Variants in ASB9 observed in about 807,000 individuals in gnomAD.
The protein encoded by ASB9 is ankyrin repeat and SOCS box protein 9.
In ASB9, 5 loss-of-function variants were observed where a neutral mutation model predicts 16.6. The ratio of observed to expected loss-of-function variants is 0.30; its 90% CI spans 0.16 to 0.63. The LOEUF (loss-of-function observed/expected upper bound fraction) is 0.63. Among genes scored for constraint, ASB9 ranks in the 30% least tolerant of loss-of-function variants. The pLI, the probability that ASB9 is intolerant of heterozygous loss-of-function variation, is 0.82. For synonymous variants in ASB9, 100 were observed against 86.4 expected (o/e 1.16, Z -0.87); for missense variants, 216 against 229.4 (o/e 0.94, Z 0.38).
chrX:15,250,820 C>CA (rs1299327808), intron 4 of ASB9, among the ~76,000 whole-genome samples: 1 of 112,041 alleles, frequency 8.9e-6, no homozygotes, highest in Admixed American at 9.5e-5. Context: ...CTCCTGGGTT[C>CA]ACGCCATTCT....
At chrX:15,252,838 T>A (rs1396720603) in intron 3 of ASB9, among the ~76,000 whole-genome samples, 1 of 112,607 alleles carries the variant, frequency 8.9e-6, no homozygotes, top group Non-Finnish European at 1.9e-5. Context: ...TAGAAAACTT[T>A]AAAAAACTTG....
chrX:15,263,169 G>A (rs1390543233), intron 1 of ASB9, among the ~76,000 whole-genome samples: 1 of 111,275 alleles, frequency 9.0e-6, no homozygotes, highest in African/African-American at 3.3e-5. Context: ...GATGTTCTGA[G>A]AACCCCAGTG....
Position 15,253,769 on chromosome X carries a change from G to A in ASB9, c.282+968C>T, listed in dbSNP as rs188454029. 1.8e-4 allele frequency among the ~76,000 whole-genome samples: 20 copies of A among 111,818 alleles called. No homozygotes were observed. In the East Asian group the frequency reaches 5.0e-3, roughly 28 times the overall value. ...ATTAAATAGTGAATAGAAAAGCCAA[G>A]TGCAGACACATTCTTGTATATCATT... On this transcript the variant is annotated intron_variant, in intron 3 of 6. Transcript: ENST00000380488.
Position 15,250,554 on chromosome X carries a change from C to T in ASB9, c.444G>A (p.Glu148=). Residue 148 remains glutamate (E), a synonymous_variant, in exon 5 of 7, where the codon GAG becomes GAA. Transcript: ENST00000380488. ...CATAAGCTATAAGAGAGTTGACACA[C>T]TCCACGTGGCCTGCAGCCCAAAGCA... ...IHEAARRGHV[E]CVNSLIAYGG... 4 of 1,203,972 alleles carry T rather than the reference C, an allele frequency of 3.3e-6. No homozygotes were observed. The highest frequency in any genetic ancestry group is 4.5e-6 in the Non-Finnish European group (4 of 892,210).
chrX:15,251,638 G>A (rs188574540), intron 4 of ASB9, among the ~76,000 whole-genome samples: 66 of 111,883 alleles, frequency 5.9e-4, no homozygotes, highest in African/African-American at 2.0e-3. Context: ...TGGTCATTAC[G>A]ATGATGCTAA....
chrX:15,244,354 T>G lies in ASB9; in HGVS notation c.*152A>C. On this transcript the variant is annotated 3_prime_UTR_variant, in exon 7 of 7. Transcript: ENST00000380488. Reference sequence around the variant, plus strand: ...CAAATACAAATTGAATAGAAAAAATTAGTCAAACTCCATAAACAAGTTTAT... The same window carrying G: ...CAAATACAAATTGAATAGAAAAAATGAGTCAAACTCCATAAACAAGTTTAT... 3.1e-6 allele frequency: 2 copies of G among 644,518 alleles called. No homozygotes were observed. The highest frequency in any genetic ancestry group is 4.6e-6 in the Non-Finnish European group (2 of 436,010). 53.1% of individuals were successfully genotyped at this position (644,518 alleles called of 1,213,427 possible).
chrX:15,246,785 C>G (rs1412249102), intron 6 of ASB9, among the ~76,000 whole-genome samples: 3 of 111,505 alleles, frequency 2.7e-5, no homozygotes, highest in African/African-American at 9.8e-5. Context: ...CCAGCAACAA[C>G]CATTGATGTT....
rs1416558948 is a variant in ASB9 at position 15,269,853 on chromosome X, T to G, written c.22A>C (p.Met8Leu). 8.3e-7 allele frequency: 1 copy of G among 1,206,472 alleles called. No individual in the cohort carries two copies. Among genetic ancestry groups the G allele is most frequent in the East Asian group, 3.0e-5 (1 of 33,422 alleles). MDGKQGG[M>L]DGSKPAGPRD... is the part of the protein sequence containing the mutation. ...GGCCCCGCGGGCTTGCTCCCATCCA[T>G]GCCCCCTTGTTTGCCATCCATGATG... The change falls in exon 1 of 7, where the codon ATG (methionine) becomes CTG (leucine). Residue 8 changes from methionine to leucine, a missense_variant. Physicochemically the swap from Met to Leu is conservative, Grantham distance 15 (BLOSUM62 2). Transcript: ENST00000380488.
rs1926662049 is a variant in ASB9, at chrX:15,267,929, T to C, written c.94+1852A>G. Reference sequence around the variant, plus strand: ...TGCTCATTTTATAAGTGAAATTGGATAAATGAATGAATGAATGAGCAGGCT... The same window carrying C: ...TGCTCATTTTATAAGTGAAATTGGACAAATGAATGAATGAATGAGCAGGCT... On this transcript the variant is annotated intron_variant, in intron 1 of 6. Coordinates refer to ENST00000380488, the MANE Select transcript of ASB9 (RefSeq NM_001031739.3). Among the ~76,000 whole-genome samples the C allele has an allele frequency of 2.7e-5, 3 of 110,805 alleles. No homozygotes were observed. In the Admixed American group the frequency reaches 2.9e-4, roughly 11 times the overall value.
chrX:15,269,003 C>T (rs996567981), intron 1 of ASB9, among the ~76,000 whole-genome samples: 4 of 110,245 alleles, frequency 3.6e-5, no homozygotes, highest in Admixed American at 9.7e-5. Context: ...CTTTGCTCTC[C>T]GAAAGTTACG....
At chrX:15,260,162 G>C (rs1925860314) in intron 1 of ASB9, among the ~76,000 whole-genome samples, 1 of 112,157 alleles carries the variant, frequency 8.9e-6, no homozygotes, top group African/African-American at 3.2e-5. Context: ...ACTTTGAGAG[G>C]CCGAGGTGGG....
chrX:15,265,537 G>A (rs1451314296), intron 1 of ASB9, among the ~76,000 whole-genome samples: 2 of 111,834 alleles, frequency 1.8e-5, no homozygotes, highest in African/African-American at 6.5e-5. Flanking sequence ...TCAAAGTATG[G>A]TCCCTGACCA....
At chrX:15,254,347 C>T (rs1452011414) in intron 3 of ASB9, among the ~76,000 whole-genome samples, 1 of 112,311 alleles carries the variant, frequency 8.9e-6, no homozygotes, top group African/African-American at 3.2e-5. Flanking sequence ...ATCCCTGCTA[C>T]CATGTGAACA....
chrX:15,264,571 G>A (rs1159090985), intron 1 of ASB9, among the ~76,000 whole-genome samples: 2 of 111,181 alleles, frequency 1.8e-5, no homozygotes, highest in Admixed American at 9.6e-5. Flanking sequence ...ACGCCTGCAG[G>A]TGGAGGTGGG....
intron 6 of ASB9, 69 bp from the exon 7 acceptor site, chrX:15,244,699 A>AC (rs923802006): frequency 9.7e-7 from 1 of 1,031,701 alleles, no homozygotes; most frequent in African/African-American, 1.9e-5. Context: ...TTTTAAAAAA[A>AC]AAAAGCATCC....
chrX:15,244,895 T>C (rs1354335826), intron 6 of ASB9, among the ~76,000 whole-genome samples: 2 of 111,808 alleles, frequency 1.8e-5, no homozygotes, highest in African/African-American at 6.5e-5. Flanking sequence ...TAATGGAGGC[T>C]TAAATAAGCT....
intron 6 of ASB9, among the ~76,000 whole-genome samples, chrX:15,245,992 G>A (rs1170260954): frequency 2.7e-5 from 3 of 111,610 alleles, no homozygotes; most frequent in East Asian, 2.8e-4. Context: ...AAAAATGAAC[G>A]GCTTCCCAGT....
At chrX:15,265,118 G>C (rs1321547850) in intron 1 of ASB9, among the ~76,000 whole-genome samples, 1 of 112,021 alleles carries the variant, frequency 8.9e-6, no homozygotes, top group Non-Finnish European at 1.9e-5. Context: ...TCAGCTCTTA[G>C]CCATTGGACA....
At chrX:15,267,667 C>T (rs151178728) in intron 1 of ASB9, among the ~76,000 whole-genome samples, 2,405 of 97,781 alleles carry the variant, frequency 0.025, 99 homozygotes, top group African/African-American at 0.085. Flanking sequence ...CGCTTGAACA[C>T]GGGAAGGTGG....
Sources: allele counts gnomAD v4.1 joint callset (sites outside exome capture counted in the v4.1 genomes callset), GRCh38; gene constraint gnomAD v4.1.1; transcripts MANE v1.5; gene names NCBI Gene and HGNC (gene_info 2026-07-23, HGNC 2026-07-21).